EXOC4: variants seen among roughly 807,000 people sequenced by gnomAD.
The protein encoded by EXOC4 is exocyst complex component 4.
EXOC4 carries 71 observed loss-of-function variants against 107.2 expected under a neutral mutation model. That is an observed-to-expected ratio of 0.66 (90% CI 0.55 to 0.81). The LOEUF is 0.81. Among genes scored for constraint, EXOC4 ranks in the 30% least tolerant of loss-of-function variants. The pLI is 0.00. For missense variants in EXOC4, 1,108 were observed against 1,189.6 expected, an observed-to-expected ratio of 0.93 and a Z score of 1.01; for synonymous variants, 456 against 441.2, an observed-to-expected ratio of 1.03 and a Z score of -0.42.
chr7:133,581,724 G>C (rs1020791930), intron 9 of EXOC4, among the ~76,000 whole-genome samples: 44 of 130,434 alleles, frequency 3.4e-4, no homozygotes, highest in South Asian at 7.5e-4. Flanking sequence ...CGCCACTGCA[G>C]TCCAGCTTGG....
intron 11 of EXOC4, among the ~76,000 whole-genome samples, chr7:133,820,488 G>A (rs1463982968): frequency 6.6e-6 from 1 of 151,910 alleles, no homozygotes; most frequent in Non-Finnish European, 1.5e-5. Flanking sequence ...CCAGCTAATT[G>A]TAGGTGGCTA....
At chr7:133,336,613 G>T (rs1384590997) in intron 5 of EXOC4, among the ~76,000 whole-genome samples, 4 of 151,142 alleles carry the variant, frequency 2.6e-5, no homozygotes, top group African/African-American at 9.7e-5. Context: ...TTTCTGGTAT[G>T]TTTAAGGTTT....
intron 17 of EXOC4, among the ~76,000 whole-genome samples, chr7:134,009,442 T>C (rs543797769): frequency 6.6e-6 from 1 of 152,336 alleles, no homozygotes; most frequent in East Asian, 1.9e-4. Flanking sequence ...ACCCTGTTCC[T>C]CTGCTTTTCT....
At chr7:133,486,574 T>C (rs1242596039) in intron 9 of EXOC4, among the ~76,000 whole-genome samples, 2 of 152,174 alleles carry the variant, frequency 1.3e-5, no homozygotes, top group Non-Finnish European at 2.9e-5. Flanking sequence ...CTTCTAGAAT[T>C]TGCTTAATGA....
chr7:133,303,445 A>G (rs1476041720), intron 3 of EXOC4, among the ~76,000 whole-genome samples: 1 of 152,228 alleles, frequency 6.6e-6, no homozygotes, highest in African/African-American at 2.4e-5. Flanking sequence ...AAAAAACAAA[A>G]AAAAGATAAA....
At chr7:133,962,040 G>A (rs751906551) in intron 14 of EXOC4, among the ~76,000 whole-genome samples, 32 of 152,164 alleles carry the variant, frequency 2.1e-4, no homozygotes, top group Non-Finnish European at 3.7e-4. Context: ...CAGTGCCCAC[G>A]CACTTAATCT....
At chr7:133,371,467 T>C (rs1451725902) in intron 6 of EXOC4, among the ~76,000 whole-genome samples, 1 of 152,158 alleles carries the variant, frequency 6.6e-6, no homozygotes, top group East Asian at 1.9e-4. Flanking sequence ...ATCCTGAATA[T>C]TTTATATAAC....
At chr7:133,503,546 A>G (rs1799613891) in intron 9 of EXOC4, among the ~76,000 whole-genome samples, 1 of 152,118 alleles carries the variant, frequency 6.6e-6, no homozygotes, top group South Asian at 2.1e-4. Flanking sequence ...CTGCAGTTTA[A>G]TCTTGGGGAA....
chr7:133,942,479 ATTAG>A (rs1172054511), intron 14 of EXOC4, among the ~76,000 whole-genome samples: 2 of 152,170 alleles, frequency 1.3e-5, no homozygotes, highest in African/African-American at 4.8e-5. Flanking sequence ...GAATTGCAGT[ATTAG>A]TTATACAATT....
chr7:133,495,476 A>G (rs75232228), intron 9 of EXOC4, among the ~76,000 whole-genome samples: 208 of 152,304 alleles, frequency 1.4e-3, no homozygotes, highest in Middle Eastern at 6.8e-3. Context: ...GTATTCCCAT[A>G]TAACTACCAC....
intron 7 of EXOC4, among the ~76,000 whole-genome samples, chr7:133,395,084 G>A (rs1467506451): frequency 6.8e-6 from 1 of 148,034 alleles, no homozygotes; most frequent in Non-Finnish European, 1.5e-5. Context: ...TATTATTTTT[G>A]CTGGTCAAAC....
chr7:133,801,400 T>A (rs973600793), intron 10 of EXOC4, among the ~76,000 whole-genome samples: 1 of 152,180 alleles, frequency 6.6e-6, no homozygotes, highest in African/African-American at 2.4e-5. Flanking sequence ...AAGATTCAGA[T>A]TGACTAAATG....
chr7:133,319,808 C>T (rs1465249232), intron 5 of EXOC4, among the ~76,000 whole-genome samples: 2 of 147,212 alleles, frequency 1.4e-5, no homozygotes, highest in African/African-American at 5.0e-5. Context: ...GGGTTCATTT[C>T]CTTGACTATT....
rs183106144 is a variant in EXOC4, at chr7:133,845,593, A to G, written c.1734+28049A>G. ...GGTGGGCTTTCTCCCTGACAGAAGC[A>G]TTTCACATATGCCTACTCTCTAGCA... On this transcript the variant is annotated intron_variant, in intron 11 of 17. Transcript: ENST00000253861. Among the ~76,000 whole-genome samples, 17 of 152,186 alleles carry G rather than the reference A, an allele frequency of 1.1e-4. No homozygotes were observed. The East Asian group carries it at 2.5e-3, about 22-fold the overall frequency.
rs189357423 is a variant in EXOC4, at chr7:133,425,805, G to A, written c.1183-49523G>A. 6.5e-3 allele frequency among the ~76,000 whole-genome samples: 984 copies of A among 152,156 alleles called. 6 individuals are homozygous for A. The highest frequency in any genetic ancestry group is 0.022 in the South Asian group (107 of 4,820). On this transcript the variant is annotated intron_variant, in intron 7 of 17. Transcript: ENST00000253861. ...CTCCACAGTTCTTTCTCCTAACCCC[G>A]CCATTCATTTCTATTGATCCCAGGT...
intron 7 of EXOC4, among the ~76,000 whole-genome samples, chr7:133,413,507 A>G (rs1208732193): frequency 6.6e-6 from 1 of 152,072 alleles, no homozygotes; most frequent in Non-Finnish European, 1.5e-5. Context: ...ATGTCATAGA[A>G]CTGCAGTGAC....
At chr7:133,267,457 G>A (rs576491204) in intron 1 of EXOC4, among the ~76,000 whole-genome samples, 74 of 152,282 alleles carry the variant, frequency 4.9e-4, no homozygotes, top group African/African-American at 1.7e-3. Context: ...CCCAGATAGT[G>A]CCCTTTCTCT....
At chr7:133,948,258 G>T (rs182310137) in intron 14 of EXOC4, among the ~76,000 whole-genome samples, 234 of 152,270 alleles carry the variant, frequency 1.5e-3, no homozygotes, top group African/African-American at 5.5e-3. Flanking sequence ...CCTGGGATAA[G>T]CCCAGGAACC....
At chr7:133,864,742 G>A (rs771734392) in intron 11 of EXOC4, among the ~76,000 whole-genome samples, 1 of 152,188 alleles carries the variant, frequency 6.6e-6, no homozygotes, top group Non-Finnish European at 1.5e-5. Flanking sequence ...GCATTGTCAT[G>A]TGCGGTTCAT....
Sources: gnomAD v4.1 joint callset for allele counts (sites outside exome capture counted in the v4.1 genomes callset) on GRCh38, gnomAD v4.1.1 for gene constraint, MANE v1.5 for transcripts, NCBI Gene and HGNC (gene_info 2026-07-23, HGNC 2026-07-21) for gene names.